Variants in SNAPC1 observed in about 807,000 individuals in gnomAD.
The protein encoded by SNAPC1 is snRNA-activating protein complex subunit 1.
Under a neutral mutation model 50.1 loss-of-function variants are expected in SNAPC1, and 42 were observed. The ratio of observed to expected loss-of-function variants is 0.84; its 90% CI spans 0.65 to 1.08. SNAPC1 has a LOEUF of 1.08. Among genes scored for constraint, SNAPC1 ranks in the 50% least tolerant of loss-of-function variants. SNAPC1 has a pLI of 0.00. For synonymous variants in SNAPC1, 164 were observed against 144.2 expected (o/e 1.14, Z -0.98); for missense variants, 477 against 427.3 (o/e 1.12, Z -1.02).
intron 5 of SNAPC1, 79 bp downstream of exon 5, chr14:61,776,332 G>A: frequency 1.5e-6 from 2 of 1,342,498 alleles, no homozygotes; most frequent in South Asian, 1.2e-5. Context: ...TTGGGAGGCA[G>A]CCTAGTTTTA....
intron 1 of SNAPC1, among the ~76,000 whole-genome samples, chr14:61,765,110 A>G (rs780606445): frequency 1.3e-5 from 2 of 152,212 alleles, no homozygotes; most frequent in African/African-American, 2.4e-5. Flanking sequence ...TTACATAGAA[A>G]CCTATAATAT....
chr14:61,762,981 CTTTTT>C (rs145378546), intron 1 of SNAPC1, among the ~76,000 whole-genome samples: 30 of 73,030 alleles, frequency 4.1e-4, no homozygotes, highest in South Asian at 1.3e-3. Context: ...CCAAAGTTGT[CTTTTT>C]TTTTTTTTTT....
intron 7 of SNAPC1, among the ~76,000 whole-genome samples, chr14:61,781,341 C>T (rs1298903758): frequency 2.7e-5 from 4 of 149,014 alleles, no homozygotes; most frequent in South Asian, 2.1e-4. Context: ...CCCAGCTACT[C>T]GGGAGGCTAA....
At chr14:61,775,955 A>G (rs2045032298) in intron 4 of SNAPC1, 140 bp from the exon 5 acceptor site, 2 of 583,416 alleles carry the variant, frequency 3.4e-6, no homozygotes, top group East Asian at 3.2e-5. Flanking sequence ...TTACATGATT[A>G]TGTTATTTTT....
In SNAPC1 at chr14:61,794,809, T is replaced by C. The variant is rs540596647; in HGVS notation, c.1073-140T>C. 1.8e-3 allele frequency: 1,249 copies of C among 678,754 alleles called. 22 individuals carry two copies. In the South Asian group the frequency reaches 0.019, roughly 10 times the overall value. 42.0% of individuals were successfully genotyped at this position (678,754 alleles called of 1,614,324 possible). ...TGTCTTTGCTGTGAGGGCATTCTTA[T>C]TGTGTTGTACCAGTTAGACGTCTAT... is the stretch of plus-strand genomic sequence containing the variant. On this transcript the variant is annotated intron_variant, in intron 9 of 9. Transcript: ENST00000216294.
chr14:61,776,383 C>G, intron 5 of SNAPC1, 130 bp downstream of exon 5: 2 of 772,132 alleles, frequency 2.6e-6, no homozygotes, highest in Middle Eastern at 2.8e-4. Context: ...TAGGGCTTGG[C>G]TTTTCTAGTT....
intron 8 of SNAPC1, among the ~76,000 whole-genome samples, chr14:61,784,722 A>T (rs186134626): frequency 1.9e-4 from 29 of 152,314 alleles, no homozygotes; most frequent in African/African-American, 6.5e-4. Context: ...AAAATAGAAG[A>T]TTATTTCTTT....
At chr14:61,791,066 C>T (rs1179792081) in intron 8 of SNAPC1, among the ~76,000 whole-genome samples, 1 of 152,166 alleles carries the variant, frequency 6.6e-6, no homozygotes, top group Non-Finnish European at 1.5e-5. Flanking sequence ...AGCTGGAGTG[C>T]AGTGGCGCGA....
intron 7 of SNAPC1, among the ~76,000 whole-genome samples, chr14:61,781,861 A>G (rs1327336059): frequency 6.6e-6 from 1 of 152,248 alleles, no homozygotes; most frequent in African/African-American, 2.4e-5. Context: ...TTGTGGCCAG[A>G]TCTGGGCCAC....
At chr14:61,780,615 TTC>T (rs1456720891) in intron 7 of SNAPC1, among the ~76,000 whole-genome samples, 1 of 152,244 alleles carries the variant, frequency 6.6e-6, no homozygotes, top group African/African-American at 2.4e-5. Flanking sequence ...TGTGACTATT[TTC>T]TCTCATTCTG....
chr14:61,776,171 C>T lies in SNAPC1; in HGVS notation c.611C>T (p.Ala204Val). Residue 204 changes from alanine to valine, a missense_variant, in exon 5 of 10, where the codon GCC (alanine) becomes GTC (valine). Physicochemically the swap from Ala to Val is moderately conservative, Grantham distance 64 (BLOSUM62 0). Transcript: ENST00000216294. Reference protein sequence around the residue: ...ISVDKSKPDKALSLIKDDFFD... With the variant: ...ISVDKSKPDKVLSLIKDDFFD... ...GTTGATAAGTCCAAGCCAGATAAAG[C>T]CCTCAGCTTGATAAAGGATGATTTT... is the stretch of plus-strand genomic sequence containing the variant. 6.2e-7 allele frequency: 1 copy of T among 1,611,236 alleles called. No individual in the cohort carries two copies. The highest frequency in any genetic ancestry group is 2.2e-5 in the East Asian group (1 of 44,800).
intron 4 of SNAPC1, 57 bp from the exon 5 acceptor site, chr14:61,776,038 C>A (rs1381055077): frequency 7.1e-7 from 1 of 1,413,070 alleles, no homozygotes; most frequent in Non-Finnish European, 9.6e-7. Context: ...GTTGGTTTTG[C>A]CTTTTAGTTT....
At chr14:61,794,567 G>C (rs543662990) in intron 9 of SNAPC1, among the ~76,000 whole-genome samples, 1 of 151,964 alleles carries the variant, frequency 6.6e-6, no homozygotes, top group Non-Finnish European at 1.5e-5. Flanking sequence ...CACCACGCCC[G>C]GCTAATTTTT....
chr14:61,765,772 A>G (rs904479503), intron 1 of SNAPC1, among the ~76,000 whole-genome samples: 2 of 152,122 alleles, frequency 1.3e-5, no homozygotes, highest in Admixed American at 6.5e-5. Context: ...TTGATTGCCA[A>G]CAAAGCCTTG....
chr14:61,772,338 G>A (rs747407912), intron 4 of SNAPC1, among the ~76,000 whole-genome samples: 1 of 152,020 alleles, frequency 6.6e-6, no homozygotes, highest in African/African-American at 2.4e-5. Flanking sequence ...ACTGCCACCC[G>A]GGTTCAAGCG....
At chr14:61,769,114 C>G (rs2044969352) in intron 4 of SNAPC1, among the ~76,000 whole-genome samples, 2 of 152,046 alleles carry the variant, frequency 1.3e-5, no homozygotes, top group South Asian at 4.1e-4. Context: ...AATCTCAGCA[C>G]TTTGGGAGGC....
chr14:61,786,822 T>C (rs1057421791), intron 8 of SNAPC1, among the ~76,000 whole-genome samples: 3 of 152,214 alleles, frequency 2.0e-5, no homozygotes, highest in Non-Finnish European at 4.4e-5. Flanking sequence ...AATGAACACT[T>C]AATGTTCACA....
At chr14:61,794,411 G>A (rs1490157220) in intron 9 of SNAPC1, among the ~76,000 whole-genome samples, 1 of 151,686 alleles carries the variant, frequency 6.6e-6, no homozygotes, top group Non-Finnish European at 1.5e-5. Flanking sequence ...TTTTTTGTTT[G>A]TTTGTTTGTT....
chr14:61,773,397 G>GC (rs755107827), intron 4 of SNAPC1, among the ~76,000 whole-genome samples: 18 of 99,318 alleles, frequency 1.8e-4, no homozygotes, highest in East Asian at 9.0e-4. Flanking sequence ...TATTTCCTTA[G>GC]TTTTTTTTTT....
Sources: gnomAD v4.1 joint callset for allele counts (sites outside exome capture counted in the v4.1 genomes callset) on GRCh38, gnomAD v4.1.1 for gene constraint, MANE v1.5 for transcripts, NCBI Gene and HGNC (gene_info 2026-07-23, HGNC 2026-07-21) for gene names.